Variants in AXDND1 observed in about 807,000 individuals in gnomAD.
AXDND1 encodes axonemal dynein light chain domain containing 1.
AXDND1 carries 110 observed loss-of-function variants against 137.5 expected under a neutral mutation model. That is an observed-to-expected ratio of 0.80 (90% CI 0.69 to 0.94). The LOEUF is 0.94. Among genes scored for constraint, AXDND1 ranks in the 40% least tolerant of loss-of-function variants. The pLI, the probability that AXDND1 is intolerant of heterozygous loss-of-function variation, is 0.00. For synonymous variants in AXDND1, 414 were observed against 399.7 expected, an observed-to-expected ratio of 1.04 and a Z score of -0.43; for missense variants, 1,191 against 1,169.8, an observed-to-expected ratio of 1.02 and a Z score of -0.26.
chr1:179,488,565 C>G (rs1666341676), intron 18 of AXDND1, among the ~76,000 whole-genome samples: 1 of 145,608 alleles, frequency 6.9e-6, no homozygotes, highest in African/African-American at 2.6e-5. Flanking sequence ...CATACCTGGC[C>G]TGATCTATCT....
In AXDND1 at chr1:179,437,556, C is replaced by T. The variant is rs545428405; in HGVS notation, c.1563+5214C>T. ...GCTGAGTTGGTCACATCCCACAGGC[C>T]TTTGGCTCCCTACATATCCCCCTTT... On this transcript the variant is annotated intron_variant, in intron 15 of 25. Coordinates refer to ENST00000367618, the MANE Select transcript of AXDND1 (RefSeq NM_144696.6). 6.6e-5 allele frequency among the ~76,000 whole-genome samples: 10 copies of T among 152,258 alleles called. 1 individual carries two copies. In the South Asian group the frequency reaches 2.1e-3, roughly 32 times the overall value.
chr1:179,436,670 A>G (rs1481057422), intron 15 of AXDND1, among the ~76,000 whole-genome samples: 1 of 151,996 alleles, frequency 6.6e-6, no homozygotes, highest in East Asian at 1.9e-4. Context: ...AAGGGGAAAA[A>G]CCACACACTG....
intron 17 of AXDND1, among the ~76,000 whole-genome samples, chr1:179,479,755 C>T (rs543574792): frequency 4.6e-5 from 7 of 151,870 alleles, no homozygotes; most frequent in East Asian, 2.0e-4. Flanking sequence ...TTAGCCTGGG[C>T]GACGGAGTGA....
intron 16 of AXDND1, among the ~76,000 whole-genome samples, chr1:179,458,001 T>C (rs1005985614): frequency 6.6e-6 from 1 of 150,856 alleles, no homozygotes. Flanking sequence ...TTTTTTTTTT[T>C]CTTTTTTTGA....
intron 4 of AXDND1, among the ~76,000 whole-genome samples, chr1:179,376,321 G>A (rs752900307): frequency 3.9e-5 from 6 of 152,084 alleles, no homozygotes; most frequent in Admixed American, 1.3e-4. Context: ...GCAGTCAGCC[G>A]TACATGAGTC....
chr1:179,409,087 T>C (rs1361819201), intron 11 of AXDND1, among the ~76,000 whole-genome samples: 5 of 151,456 alleles, frequency 3.3e-5, no homozygotes, highest in Admixed American at 3.3e-4. Context: ...TTCGATTCAC[T>C]AGTATGGTAT....
At chr1:179,425,453 CTG>C (rs1656405106) in intron 12 of AXDND1, among the ~76,000 whole-genome samples, 1 of 152,142 alleles carries the variant, frequency 6.6e-6, no homozygotes, top group Non-Finnish European at 1.5e-5. Flanking sequence ...GTTTCCAGGC[CTG>C]GGGATGGTAG....
At chr1:179,476,756 G>A (rs1364871729) in intron 17 of AXDND1, among the ~76,000 whole-genome samples, 1 of 151,984 alleles carries the variant, frequency 6.6e-6, no homozygotes, top group Non-Finnish European at 1.5e-5. Context: ...GTGATGTGTT[G>A]TTTTTCTCTT....
rs1558091204 is a variant in AXDND1 at position 179,378,733 on chromosome 1, T to C, written c.471T>C (p.His157=). ...ATTTGGCCCGTTCATTACAGTCACATGATGGTGTCATTGTGCCCCATAAGG... is the reference window on the plus strand; with the variant it reads ...ATTTGGCCCGTTCATTACAGTCACACGATGGTGTCATTGTGCCCCATAAGG... ...PPHLARSLQS[H]DGVIVPHKPK... is the part of the protein sequence containing the mutation. The change falls in exon 5 of 26, where the codon CAT becomes CAC. Residue 157 remains histidine, a synonymous_variant. Coordinates refer to ENST00000367618, the MANE Select transcript of AXDND1 (RefSeq NM_144696.6). The C allele has an allele frequency of 1.3e-6, 2 of 1,581,168 alleles. No homozygotes were observed. The highest frequency in any genetic ancestry group is 1.7e-6 in the Non-Finnish European group (2 of 1,161,644).
At chr1:179,411,321 T>C in intron 12 of AXDND1, 55 bp downstream of exon 12, 1 of 1,574,326 alleles carries the variant, frequency 6.4e-7, no homozygotes, top group Non-Finnish European at 8.6e-7. Flanking sequence ...AGATTCATTC[T>C]ACAGTTTTAA....
At position 179,418,531 on chromosome 1, in the gene AXDND1, G is replaced by A. The variant is rs1205429988; in HGVS notation, c.1230+7265G>A. Among the ~76,000 whole-genome samples, 7 of 152,212 alleles carry A rather than the reference G, an allele frequency of 4.6e-5. No individual in the cohort carries two copies. In the East Asian group the frequency reaches 7.8e-4, roughly 17 times the overall value. ...ACACCTCCCAGACGGGGTGGTGGCC[G>A]GGCAGAGGGGCTCCCCACTTCCCAG... is the stretch of plus-strand genomic sequence containing the variant. On this transcript the variant is annotated intron_variant, in intron 12 of 25. Coordinates refer to ENST00000367618, the MANE Select transcript of AXDND1 (RefSeq NM_144696.6).
intron 25 of AXDND1, among the ~76,000 whole-genome samples, chr1:179,546,789 C>T (rs1251410230): frequency 1.3e-5 from 2 of 152,108 alleles, no homozygotes; most frequent in African/African-American, 4.8e-5. Context: ...AGTGGACAGT[C>T]CCCCTCAACC....
At chr1:179,413,686 A>G (rs1286238610) in intron 12 of AXDND1, among the ~76,000 whole-genome samples, 3 of 152,208 alleles carry the variant, frequency 2.0e-5, no homozygotes, top group Non-Finnish European at 2.9e-5. Flanking sequence ...GCTATTGTAA[A>G]TAGTGCTGGA....
intron 17 of AXDND1, among the ~76,000 whole-genome samples, chr1:179,469,685 A>G (rs1663682201): frequency 1.3e-5 from 2 of 152,212 alleles, no homozygotes; most frequent in Admixed American, 1.3e-4. Context: ...CATACTTGCC[A>G]ATACTTATTA....
At chr1:179,379,198 T>C (rs1463137763) in intron 5 of AXDND1, among the ~76,000 whole-genome samples, 199 bp from the exon 6 acceptor site, 1 of 152,190 alleles carries the variant, frequency 6.6e-6, no homozygotes, top group Admixed American at 6.5e-5. Context: ...CTTTAATTTA[T>C]GGTTATTTTA....
rs1001308357 is a variant in AXDND1, at chr1:179,487,367, A to G, written c.2091+4146A>G. Among the ~76,000 whole-genome samples, 8 of 148,354 alleles carry G rather than the reference A, an allele frequency of 5.4e-5. 2 individuals are homozygous for G. The highest frequency in any genetic ancestry group is 2.0e-4 in the African/African-American group (8 of 39,032). On this transcript the variant is annotated intron_variant, in intron 18 of 25. Transcript: ENST00000367618. ...TTTGAGCAAGCCTTTCTAACTTACTATTTCTGATTTGCATGCAAAAATTAC... is the reference window on the plus strand; with the variant it reads ...TTTGAGCAAGCCTTTCTAACTTACTGTTTCTGATTTGCATGCAAAAATTAC...
intron 25 of AXDND1, among the ~76,000 whole-genome samples, chr1:179,553,910 T>TA (rs1464951553): frequency 7.8e-6 from 1 of 127,592 alleles, no homozygotes; most frequent in African/African-American, 3.4e-5. Context: ...CACCCCTGGC[T>TA]AATTTTTTTT....
At chr1:179,464,545 A>T (rs1478653766) in intron 16 of AXDND1, among the ~76,000 whole-genome samples, 1 of 152,040 alleles carries the variant, frequency 6.6e-6, no homozygotes, top group African/African-American at 2.4e-5. Context: ...GCTGCCCTTA[A>T]CATTTTTTCC....
intron 15 of AXDND1, among the ~76,000 whole-genome samples, chr1:179,433,024 T>A (rs1439595463): frequency 6.6e-6 from 1 of 152,068 alleles, no homozygotes; most frequent in Non-Finnish European, 1.5e-5. Context: ...TCAAATTAAG[T>A]TAGGCTGCTA....
Sources: allele counts gnomAD v4.1 joint callset (sites outside exome capture counted in the v4.1 genomes callset), GRCh38; gene constraint gnomAD v4.1.1; transcripts MANE v1.5; gene names NCBI Gene and HGNC (gene_info 2026-07-23, HGNC 2026-07-21).